UFL1: variants seen among roughly 807,000 people sequenced by gnomAD.
The protein encoded by UFL1 is UFM1 specific ligase 1.
In UFL1, 78 loss-of-function variants were observed where a neutral mutation model predicts 99.3. That is an observed-to-expected ratio of 0.79 (90% confidence interval 0.65 to 0.95). The LOEUF is 0.95. UFL1 is among the 40% of genes least tolerant of loss of function. UFL1 has a pLI of 0.00. For missense variants in UFL1, 936 were observed against 937.0 expected, an observed-to-expected ratio of 1.00 and a Z score of 0.01; for synonymous variants, 335 against 322.2, an observed-to-expected ratio of 1.04 and a Z score of -0.42.
At chr6:96,522,038 C>A in intron 1 of UFL1, 88 bp downstream of exon 1, 1 of 1,382,926 alleles carries the variant, frequency 7.2e-7, no homozygotes, top group Non-Finnish European at 9.9e-7. Flanking sequence ...CGCGGCCCTG[C>A]ATCCCGGGTC....
chr6:96,524,442 A>G, intron 3 of UFL1, 32 bp downstream of exon 3: 1 of 1,534,504 alleles, frequency 6.5e-7, no homozygotes, highest in South Asian at 1.3e-5. Flanking sequence ...TTTTTGCTTT[A>G]CTTTCTCAAT....
At position 96,548,121 on chromosome 6, in the gene UFL1, T is replaced by A. The variant is rs1369709866; in HGVS notation, c.1403-43T>A. 4.5e-6 allele frequency: 6 copies of A among 1,346,674 alleles called. No individual in the cohort carries two copies. The South Asian group carries it at 5.4e-5, about 12-fold the overall frequency. 83.4% of individuals were successfully genotyped at this position (1,346,674 alleles called of 1,614,324 possible). A position where few individuals can be genotyped will look rare whatever the true frequency, so the allele number is the denominator to read the frequency against. On this transcript the variant is annotated intron_variant, in intron 12 of 18. Transcript: ENST00000369278. ...CCTATTTGCCATTTGGTTGCATGTT[T>A]TTTATTTATTTATTTATTTGCCATT...
In UFL1 at chr6:96,551,485, C is replaced by A. The variant is rs777190246; in HGVS notation, c.1871C>A (p.Thr624Lys). The change falls in exon 16 of 19, where the codon ACA becomes AAA. Residue 624 changes from threonine to lysine, a missense_variant. Transcript: ENST00000369278. ...KLSEETKVAL[T>K]KLHNSLNEKS... ...TCAGAAGAAACCAAAGTAGCTCTTA[C>A]AAAACTCCATAACTCTCTGAATGAA... is the stretch of plus-strand genomic sequence containing the variant. 3.3e-6 allele frequency: 5 copies of A among 1,536,190 alleles called. No homozygotes were observed. Among genetic ancestry groups the A allele is most frequent in the Non-Finnish European group, 4.4e-6 (5 of 1,138,902 alleles).
intron 9 of UFL1, among the ~76,000 whole-genome samples, chr6:96,538,019 G>A (rs1769877086): frequency 6.6e-6 from 1 of 151,682 alleles, no homozygotes; most frequent in Admixed American, 6.6e-5. Flanking sequence ...AATAAACGAG[G>A]CCAATCCATT....
At position 96,525,793 on chromosome 6, in the gene UFL1, G is replaced by A. The variant is rs147104300; in HGVS notation, c.350+399G>A. On this transcript the variant is annotated intron_variant, in intron 4 of 18. Transcript: ENST00000369278. Reference sequence around the variant, plus strand: ...AAACGTAACTTTTACGTTCCTTCCCGTATAATCTTAACTCTGAAAGCAAAT... The same window carrying A: ...AAACGTAACTTTTACGTTCCTTCCCATATAATCTTAACTCTGAAAGCAAAT... Among the ~76,000 whole-genome samples, 560 of 151,058 alleles carry A rather than the reference G, an allele frequency of 3.7e-3. 4 individuals are homozygous for A. The highest frequency in any genetic ancestry group is 6.7e-3 in the Non-Finnish European group (458 of 67,866).
At chr6:96,530,173 T>A (rs559767942) in intron 6 of UFL1, among the ~76,000 whole-genome samples, 30 of 152,350 alleles carry the variant, frequency 2.0e-4, no homozygotes, top group African/African-American at 7.2e-4. Context: ...CAATCTGGAA[T>A]ACTTACTTGA....
chr6:96,528,615 A>C lies in UFL1; in HGVS notation c.579A>C (p.Leu193=). 1 of 1,613,336 alleles carries C rather than the reference A, an allele frequency of 6.2e-7. No homozygotes were observed. The highest frequency in any genetic ancestry group is 8.5e-7 in the Non-Finnish European group (1 of 1,179,578). ...VARHKARIRG[L]FSAITRPTAV... is the part of the protein sequence containing the mutation. ...GACATAAAGCACGTATCCGTGGACT[A>C]TTCAGTGCTATTACCCGGTAAGTAT... The change falls in exon 6 of 19, where the codon CTA becomes CTC. Residue 193 remains leucine, a synonymous_variant. Coordinates refer to ENST00000369278, the MANE Select transcript of UFL1 (RefSeq NM_015323.5).
In UFL1 at chr6:96,537,391, A is replaced by C. The variant is rs1358968436; in HGVS notation, c.820A>C (p.Arg274=). 6.3e-7 allele frequency: 1 copy of C among 1,578,396 alleles called. No individual in the cohort carries two copies. ...ATTTGTAGAATTTGATGCTTTGTCC[A>C]GACTTGGAATCCCAGATGCTGTAAG... ...NGYLEFDALS[R]LGIPDAVSYI... is the part of the protein sequence containing the mutation. Residue 274 remains arginine, a synonymous_variant, in exon 9 of 19, where the codon AGA becomes CGA. Coordinates refer to ENST00000369278, the MANE Select transcript of UFL1 (RefSeq NM_015323.5).
intron 10 of UFL1, 72 bp from the exon 11 acceptor site, chr6:96,540,463 T>C: frequency 6.6e-7 from 1 of 1,518,082 alleles, no homozygotes; most frequent in Non-Finnish European, 8.9e-7. Context: ...AATTAGTGAG[T>C]ATATAAACAA....
chr6:96,552,435 C>T, intron 17 of UFL1, 47 bp from the exon 18 acceptor site: 1 of 1,489,072 alleles, frequency 6.7e-7, no homozygotes. Context: ...TTGGTGAGAA[C>T]TTCTTAAATT....
chr6:96,534,497 C>T (rs1769826924), intron 7 of UFL1, among the ~76,000 whole-genome samples, 176 bp downstream of exon 7: 1 of 150,392 alleles, frequency 6.6e-6, no homozygotes. Context: ...TTACACTCAC[C>T]AAACGTTTAA....
intron 12 of UFL1, among the ~76,000 whole-genome samples, chr6:96,543,332 A>T (rs1439161501): frequency 6.6e-6 from 1 of 151,250 alleles, no homozygotes; most frequent in Non-Finnish European, 1.5e-5. Flanking sequence ...CACTTATTGT[A>T]TAGTTTGTCA....
At chr6:96,540,511 CAAA>C in intron 10 of UFL1, 21 bp from the exon 11 acceptor site, 3 of 1,581,340 alleles carry the variant, frequency 1.9e-6, no homozygotes, top group Non-Finnish European at 2.6e-6. Context: ...TTTTTCCTAC[CAAA>C]AAAAGCATGT....
chr6:96,527,705 T>G (rs1769723277), intron 5 of UFL1, among the ~76,000 whole-genome samples: 1 of 152,158 alleles, frequency 6.6e-6, no homozygotes, highest in Non-Finnish European at 1.5e-5. Context: ...TCCAAATGAT[T>G]TCTTATAAAA....
In UFL1 at chr6:96,526,409, G is replaced by A; in HGVS notation, c.439G>A (p.Asp147Asn). 6.2e-7 allele frequency: 1 copy of A among 1,611,780 alleles called. No individual in the cohort carries two copies. Among genetic ancestry groups the A allele is most frequent in the African/African-American group, 1.3e-5 (1 of 74,890 alleles). The change falls in exon 5 of 19, where the codon GAT becomes AAT. Residue 147 changes from aspartate (D) to asparagine (N), a missense_variant. By Grantham distance (23) the Asp-to-Asn change is conservative (BLOSUM62 1). Transcript: ENST00000369278. ...CATATCAGAACTGTGTAAAACTTAT[G>A]ATCTTCCTGGGAACTTTCTGACACA... is the stretch of plus-strand genomic sequence containing the variant. The part of the protein sequence containing the change: ...VTISELCKTY[D>N]LPGNFLTQAL...
In UFL1 at chr6:96,551,830, CT is replaced by C; in HGVS notation, c.1900-4del. ...AAAAGTAAATTATGGTATTCAATGC[CT>C]TTTCAGAGCATAGAAGACTTTATTT... is the stretch of plus-strand genomic sequence containing the variant. On this transcript the variant is annotated splice_region_variant and splice_polypyrimidine_tract_variant and intron_variant, in intron 16 of 18. Coordinates refer to ENST00000369278, the MANE Select transcript of UFL1 (RefSeq NM_015323.5). 1.3e-6 allele frequency: 2 copies of C among 1,580,090 alleles called. No homozygotes were observed. The highest frequency in any genetic ancestry group is 1.2e-5 in the South Asian group (1 of 86,646).
At chr6:96,533,062 G>A (rs2127950199) in intron 6 of UFL1, among the ~76,000 whole-genome samples, 1 of 152,176 alleles carries the variant, frequency 6.6e-6, no homozygotes, top group Admixed American at 6.5e-5. Context: ...GGATTGAAAT[G>A]TTAGAATTAC....
chr6:96,542,769 T>C, intron 11 of UFL1, 125 bp from the exon 12 acceptor site: 3 of 974,026 alleles, frequency 3.1e-6, no homozygotes, highest in Non-Finnish European at 4.1e-6. Context: ...AAAAAGAGTC[T>C]AAAAGTTTCT....
chr6:96,526,518 A>T, intron 5 of UFL1, 83 bp downstream of exon 5: 1 of 1,064,608 alleles, frequency 9.4e-7, no homozygotes, highest in South Asian at 1.4e-5. Flanking sequence ...GGAAAAAAAA[A>T]TGAGACTTCC....
Sources: allele counts gnomAD v4.1 joint callset (sites outside exome capture counted in the v4.1 genomes callset), GRCh38; gene constraint gnomAD v4.1.1; transcripts MANE v1.5; gene names NCBI Gene and HGNC (gene_info 2026-07-23, HGNC 2026-07-21).